Variants in FGD4 observed in about 807,000 individuals in gnomAD.
FGD4 encodes FYVE, RhoGEF and PH domain-containing protein 4.
A neutral mutation model predicts 102.0 loss-of-function variants in FGD4; 42 were observed. The observed-to-expected ratio is 0.41, with a 90% CI of 0.32 to 0.53. The LOEUF (loss-of-function observed/expected upper bound fraction) is 0.53. Among genes scored for constraint, FGD4 ranks in the 20% least tolerant of loss-of-function variants. The probability of loss-of-function intolerance (pLI) is 0.21; values close to 1 mark genes in which losing one functional copy is unlikely to be tolerated. For missense variants in FGD4, 902 were observed against 1,078.2 expected (o/e 0.84, Z 2.29); for synonymous variants, 380 against 375.7 (o/e 1.01, Z -0.13).
chr12:32,626,234 C>T (rs1434282885), intron 14 of FGD4, among the ~76,000 whole-genome samples: 2 of 152,178 alleles, frequency 1.3e-5, no homozygotes, highest in African/African-American at 2.4e-5. Flanking sequence ...CACCTGAGGT[C>T]AGGAGTTTGA....
intron 1 of FGD4, among the ~76,000 whole-genome samples, chr12:32,472,428 C>G (rs1339632538): frequency 6.6e-6 from 1 of 152,190 alleles, no homozygotes; most frequent in Non-Finnish European, 1.5e-5. Context: ...GGGGACTTAG[C>G]ACCCGGGCCA....
intron 4 of FGD4, among the ~76,000 whole-genome samples, chr12:32,586,336 A>G (rs1367069630): frequency 2.0e-5 from 3 of 152,202 alleles, no homozygotes; most frequent in Non-Finnish European, 4.4e-5. Flanking sequence ...AATACACACA[A>G]AAACCACACC....
rs1476082546 is a variant in FGD4 at position 32,456,867 on chromosome 12, C to T, written c.166+56908C>T. ...TTCTTGTTTGAGTGGTCTGTGACTT[C>T]CATCTCCCCTTTTGTATTTGAAACA... On this transcript the variant is annotated intron_variant, in intron 1 of 16. Transcript: ENST00000534526. Among the ~76,000 whole-genome samples the T allele has an allele frequency of 2.6e-5, 4 of 152,148 alleles. No homozygotes were observed. In the East Asian group the frequency reaches 7.7e-4, roughly 29 times the overall value.
intron 4 of FGD4, among the ~76,000 whole-genome samples, chr12:32,590,444 A>G (rs989684139): frequency 6.6e-6 from 1 of 151,978 alleles, no homozygotes; most frequent in African/African-American, 2.4e-5. Context: ...TTGAGACCTC[A>G]TGACCCTTTT....
At chr12:32,579,048 T>G (rs1946374929) in intron 3 of FGD4, among the ~76,000 whole-genome samples, 2 of 139,608 alleles carry the variant, frequency 1.4e-5, no homozygotes, top group South Asian at 2.3e-4. Flanking sequence ...GGTTTTTTTT[T>G]TTTTTTTTTT....
chr12:32,470,471 T>C (rs1943387667), intron 1 of FGD4, among the ~76,000 whole-genome samples: 1 of 149,282 alleles, frequency 6.7e-6, no homozygotes, highest in South Asian at 2.1e-4. Context: ...TTCTTTTTTT[T>C]TTTTTTTTTT....
intron 1 of FGD4, among the ~76,000 whole-genome samples, chr12:32,411,404 C>G (rs912209519): frequency 1.3e-5 from 2 of 151,394 alleles, no homozygotes; most frequent in Admixed American, 1.3e-4. Context: ...CGTGGTGGCA[C>G]ACGCCTGTAA....
intron 1 of FGD4, among the ~76,000 whole-genome samples, chr12:32,492,764 A>G (rs1394856803): frequency 6.6e-6 from 1 of 152,116 alleles, no homozygotes; most frequent in African/African-American, 2.4e-5. Flanking sequence ...CGTTGGTTAT[A>G]TTTTTGGTTA....
chr12:32,415,580 G>A (rs1807158038), intron 1 of FGD4, among the ~76,000 whole-genome samples: 1 of 151,904 alleles, frequency 6.6e-6, no homozygotes, highest in African/African-American at 2.4e-5. Flanking sequence ...CTGCCACCAC[G>A]CCTGGCTAAT....
At position 32,426,451 on chromosome 12, in the gene FGD4, C is replaced by T. The variant is rs574860423; in HGVS notation, c.166+26492C>T. 2.4e-3 allele frequency among the ~76,000 whole-genome samples: 369 copies of T among 152,208 alleles called. 1 individual carries two copies. Among genetic ancestry groups the T allele is most frequent in the African/African-American group, 8.4e-3 (347 of 41,538 alleles). On this transcript the variant is annotated intron_variant, in intron 1 of 16. Coordinates refer to ENST00000534526, the MANE Select transcript of FGD4 (RefSeq NM_001370298.3). ...AGTGGATAAGCTTTTTGATGTGCTG[C>T]TGGATTCGGTTTACTAGTATTTTAT...
intron 1 of FGD4, among the ~76,000 whole-genome samples, chr12:32,496,612 C>T (rs1010173303): frequency 6.6e-6 from 1 of 152,142 alleles, no homozygotes; most frequent in African/African-American, 2.4e-5. Flanking sequence ...TCCTATTTTA[C>T]ACTCCACACG....
chr12:32,607,383 A>G (rs973187254), intron 7 of FGD4, among the ~76,000 whole-genome samples: 41 of 152,212 alleles, frequency 2.7e-4, no homozygotes, highest in Non-Finnish European at 8.8e-5. Context: ...GTGAGATCAC[A>G]CCACTGTGTG....
intron 1 of FGD4, among the ~76,000 whole-genome samples, chr12:32,463,286 T>C (rs997973168): frequency 6.6e-6 from 1 of 152,178 alleles, no homozygotes; most frequent in African/African-American, 2.4e-5. Context: ...ATGCGACTAG[T>C]AGAAAAGAGT....
At chr12:32,476,637 A>T (rs1198330245) in intron 1 of FGD4, among the ~76,000 whole-genome samples, 1 of 152,186 alleles carries the variant, frequency 6.6e-6, no homozygotes, top group Non-Finnish European at 1.5e-5. Context: ...TGTGCCTGTA[A>T]TACCAGCTAC....
intron 1 of FGD4, among the ~76,000 whole-genome samples, chr12:32,403,305 T>G (rs1447412097): frequency 6.6e-6 from 1 of 152,146 alleles, no homozygotes; most frequent in Non-Finnish European, 1.5e-5. Flanking sequence ...CCCATTTAAG[T>G]GAAACAGAAA....
In FGD4 at chr12:32,526,914, T is replaced by C. The variant is rs184844170; in HGVS notation, c.167-37223T>C. ...CCACCAATTCCGAACACATTTTAAC[T>C]CAGATATAGTATTACGTCGCATGAA... On this transcript the variant is annotated intron_variant, in intron 1 of 16. Transcript: ENST00000534526. Among the ~76,000 whole-genome samples, 8 of 152,262 alleles carry C rather than the reference T, an allele frequency of 5.3e-5. No homozygotes were observed. In the East Asian group the frequency reaches 1.5e-3, roughly 29 times the overall value.
intron 1 of FGD4, among the ~76,000 whole-genome samples, chr12:32,440,019 A>ACGGAG (rs1942376571): frequency 6.6e-6 from 1 of 151,010 alleles, no homozygotes; most frequent in South Asian, 2.1e-4. Context: ...ATCTCCGTTA[A>ACGGAG]ATTTATCAGA....
Position 32,610,774 on chromosome 12 carries a change from A to G in FGD4, c.1544-2A>G. On this transcript the variant is annotated splice_acceptor_variant, in intron 8 of 16. Coordinates refer to ENST00000534526, the MANE Select transcript of FGD4 (RefSeq NM_001370298.3). LOFTEE classifies it high-confidence loss of function. Reference sequence around the variant, plus strand: ...ATTTACTTTTCTTTTTTTCCCATTTAGAATCACTTGAAATTATATCTACAG... The same window carrying G: ...ATTTACTTTTCTTTTTTTCCCATTTGGAATCACTTGAAATTATATCTACAG... The G allele has an allele frequency of 1.2e-6, 2 of 1,612,302 alleles. No individual in the cohort carries two copies. The highest frequency in any genetic ancestry group is 1.7e-6 in the Non-Finnish European group (2 of 1,179,000).
chr12:32,407,241 T>A (rs1940978902), intron 1 of FGD4, among the ~76,000 whole-genome samples: 1 of 149,864 alleles, frequency 6.7e-6, no homozygotes, highest in Non-Finnish European at 1.5e-5. Flanking sequence ...TTCTCCTGCC[T>A]CAGCCTTCCG....
Sources: gnomAD v4.1 joint callset for allele counts (sites outside exome capture counted in the v4.1 genomes callset) on GRCh38, gnomAD v4.1.1 for gene constraint, MANE v1.5 for transcripts, NCBI Gene and HGNC (gene_info 2026-07-23, HGNC 2026-07-21) for gene names.